MCUR1: variants seen among roughly 807,000 people sequenced by gnomAD.
MCUR1 encodes mitochondrial calcium uniporter regulator 1.
MCUR1 carries 37 observed loss-of-function variants against 42.0 expected under a neutral mutation model. The observed-to-expected ratio is 0.88, with a 90% confidence interval of 0.68 to 1.16. The LOEUF (loss-of-function observed/expected upper bound fraction) is 1.16, where lower values mean the gene tolerates loss of function less well. Among genes scored for constraint, MCUR1 ranks in the 50% most tolerant of loss-of-function variants. The pLI is 0.00. For synonymous variants in MCUR1, 229 were observed against 196.2 expected, an observed-to-expected ratio of 1.17 and a Z score of -1.40; for missense variants, 469 against 468.4, an observed-to-expected ratio of 1.00 and a Z score of -0.01.
Position 13,814,166 on chromosome 6 carries a change from C to A in MCUR1, c.264G>T (p.Gln88His). 7.5e-7 allele frequency: 1 copy of A among 1,332,690 alleles called. No homozygotes were observed. The highest frequency in any genetic ancestry group is 9.5e-7 in the Non-Finnish European group (1 of 1,049,036). 82.6% of individuals were successfully genotyped at this position (1,332,690 alleles called of 1,614,324 possible). Reference sequence around the variant, plus strand: ...GGCGCGAGCGCTCCCAGTCCCCGAGCTGCCGGCGCGGGGCTGCGGCGGCCA... The same window carrying A: ...GGCGCGAGCGCTCCCAGTCCCCGAGATGCCGGCGCGGGGCTGCGGCGGCCA... ...PRLAAAAPRR[Q>H]LGDWERSRLG... The change falls in exon 1 of 9, where the codon CAG (glutamine) becomes CAT (histidine). Residue 88 changes from glutamine (Q) to histidine (H), a missense_variant. Physicochemically the swap from Gln to His is conservative, Grantham distance 24. Coordinates refer to ENST00000379170, the MANE Select transcript of MCUR1 (RefSeq NM_001031713.4).
At chr6:13,802,024 G>A (rs1760001721) in intron 3 of MCUR1, among the ~76,000 whole-genome samples, 1 of 152,152 alleles carries the variant, frequency 6.6e-6, no homozygotes, top group African/African-American at 2.4e-5. Context: ...GAATAATTTT[G>A]AACAGTGAGC....
rs1215807175 is a variant in MCUR1, at chr6:13,806,966, TAG to T, written c.492_493del (p.Tyr165LeufsTer73). The T allele has an allele frequency of 4.3e-6, 7 of 1,613,490 alleles. No individual in the cohort carries two copies. The highest frequency in any genetic ancestry group is 3.3e-5 in the South Asian group (3 of 91,056). On this transcript the variant is annotated frameshift_variant, in exon 2 of 9. Transcript: ENST00000379170. LOFTEE classifies it high-confidence loss of function. Reference sequence around the variant, plus strand: ...GCACACTAAGGCATGAGTGTCGAAGTAGAGTTTCCTGCTCCCAGAAGAGGTGA... The same window carrying T: ...GCACACTAAGGCATGAGTGTCGAAGTAGTTTCCTGCTCCCAGAAGAGGTGA...
rs753880795 is a variant in MCUR1, at chr6:13,807,029, G to C, written c.431C>G (p.Ala144Gly). Residue 144 changes from alanine to glycine, a missense_variant, in exon 2 of 9, where the codon GCT becomes GGT. Ala to Gly is a moderately conservative substitution (Grantham distance 60). Coordinates refer to ENST00000379170, the MANE Select transcript of MCUR1 (RefSeq NM_001031713.4). ...VSCRRELSLS[A>G]GSLQLERKRR... is the part of the protein sequence containing the mutation. ...TTTGCGCTCCAGCTGCAGGGATCCA[G>C]CAGACAAGCTTAGCTCTAGGGTGGA... The C allele has an allele frequency of 6.2e-7, 1 of 1,612,016 alleles. No homozygotes were observed. The highest frequency in any genetic ancestry group is 2.2e-5 in the East Asian group (1 of 44,848).
Position 13,786,576 on chromosome 6 carries a change from T to C in MCUR1, c.*4233A>G, listed in dbSNP as rs529772239. ...ACTTTGTACATTATATTAAAATTTA[T>C]TTTCTATGTATACCCAAATTTTCAA... On this transcript the variant is annotated 3_prime_UTR_variant, in exon 9 of 9. Transcript: ENST00000379170. 1.6e-4 allele frequency: 25 copies of C among 152,216 alleles called. No homozygotes were observed. The highest frequency in any genetic ancestry group is 4.1e-4 in the South Asian group (2 of 4,838). The allele number at this position is 152,216 out of a possible 1,614,324, so 9.4% of individuals were successfully genotyped here.
At chr6:13,798,343 G>A (rs1295507581) in intron 6 of MCUR1, among the ~76,000 whole-genome samples, 1 of 152,042 alleles carries the variant, frequency 6.6e-6, no homozygotes, top group East Asian at 1.9e-4. Context: ...TAGGTGATCT[G>A]CCCATCTTGG....
chr6:13,810,367 A>G (rs1034712534), intron 1 of MCUR1, among the ~76,000 whole-genome samples: 1 of 152,198 alleles, frequency 6.6e-6, no homozygotes, highest in African/African-American at 2.4e-5. Context: ...CAATCAAAAG[A>G]ACTTCCATTT....
chr6:13,798,514 G>A (rs1759907226), intron 6 of MCUR1, among the ~76,000 whole-genome samples: 1 of 152,222 alleles, frequency 6.6e-6, no homozygotes. Flanking sequence ...CAAGACCTAT[G>A]AAGATTTAAG....
intron 6 of MCUR1, among the ~76,000 whole-genome samples, chr6:13,797,637 G>A (rs1759887363): frequency 6.6e-6 from 1 of 151,976 alleles, no homozygotes. Flanking sequence ...GAACCCGGGA[G>A]GCGAAGCTTG....
chr6:13,804,663 A>G (rs901667982), intron 2 of MCUR1, among the ~76,000 whole-genome samples: 8 of 151,618 alleles, frequency 5.3e-5, no homozygotes, highest in Non-Finnish European at 8.8e-5. Context: ...AGTCCCAGCT[A>G]CTTGTAGTCT....
intron 6 of MCUR1, among the ~76,000 whole-genome samples, chr6:13,794,887 T>C (rs1584983305): frequency 6.6e-6 from 1 of 152,142 alleles, no homozygotes; most frequent in Non-Finnish European, 1.5e-5. Context: ...CTTTTGGCTA[T>C]TAATGTCAGT....
chr6:13,802,512 G>A (rs1012280676), intron 2 of MCUR1, among the ~76,000 whole-genome samples, 166 bp from the exon 3 acceptor site: 2 of 152,168 alleles, frequency 1.3e-5, no homozygotes, highest in African/African-American at 2.4e-5. Context: ...CGGTCACTCA[G>A]AGCAAGCACG....
At chr6:13,794,117 CTTTTTTT>C in intron 6 of MCUR1, among the ~76,000 whole-genome samples, 170 bp from the exon 7 acceptor site, 1 of 142,010 alleles carries the variant, frequency 7.0e-6, no homozygotes, top group Non-Finnish European at 1.5e-5. Context: ...CTTGAGGTTT[CTTTTTTT>C]TTTTTTTCCA....
At position 13,814,397 on chromosome 6, in the gene MCUR1, G is replaced by A; in HGVS notation, c.33C>T (p.Thr11=). 6.5e-7 allele frequency: 1 copy of A among 1,538,522 alleles called. No individual in the cohort carries two copies. The highest frequency in any genetic ancestry group is 8.7e-7 in the Non-Finnish European group (1 of 1,153,032). The change falls in exon 1 of 9, where the codon ACC becomes ACT. Residue 11 remains threonine, a synonymous_variant. Transcript: ENST00000379170. MDCGSVGGQR[T]QRLPGRQRLL... ...GCCGCTGGCGGCCGGGCAGGCGCTG[G>A]GTCCTCTGGCCGCCGACCGAGCCGC...
At chr6:13,792,384 T>C (rs1160556353) in intron 7 of MCUR1, among the ~76,000 whole-genome samples, 1 of 152,188 alleles carries the variant, frequency 6.6e-6, no homozygotes, top group Non-Finnish European at 1.5e-5. Context: ...GTCTCATCCT[T>C]CTAAATCCTC....
chr6:13,813,983 G>T, intron 1 of MCUR1, 32 bp downstream of exon 1: 1 of 1,229,160 alleles, frequency 8.1e-7, no homozygotes, highest in South Asian at 4.1e-5. Context: ...CCCGCGAGAC[G>T]AGCCCCCTCT....
At chr6:13,797,567 G>T (rs1301264213) in intron 6 of MCUR1, among the ~76,000 whole-genome samples, 1 of 152,002 alleles carries the variant, frequency 6.6e-6, no homozygotes, top group Non-Finnish European at 1.5e-5. Flanking sequence ...AATTAGCTGG[G>T]CGTGGTGGCA....
rs1441362183 is a variant in MCUR1 at position 13,787,023 on chromosome 6, GA to G, written c.*3785del. 4 of 152,144 alleles carry G rather than the reference GA, an allele frequency of 2.6e-5. No individual in the cohort carries two copies. Among genetic ancestry groups the G allele is most frequent in the Non-Finnish European group, 5.9e-5 (4 of 68,032 alleles). The allele number at this position is 152,144 out of a possible 1,614,324, so 9.4% of individuals were successfully genotyped here. On this transcript the variant is annotated 3_prime_UTR_variant, in exon 9 of 9. Transcript: ENST00000379170. Reference sequence around the variant, plus strand: ...CTCACATTAAAATCAAAGTTTTCTAGATATGAATTCTATATACCATCTCTAT... The same window carrying G: ...CTCACATTAAAATCAAAGTTTTCTAGTATGAATTCTATATACCATCTCTAT...
chr6:13,805,880 G>A (rs963420352), intron 2 of MCUR1, among the ~76,000 whole-genome samples: 5 of 152,174 alleles, frequency 3.3e-5, no homozygotes, highest in Admixed American at 2.6e-4. Context: ...AGTCTAAAGT[G>A]CATTTTCAAT....
At position 13,814,093 on chromosome 6, in the gene MCUR1, A is replaced by T. The variant is rs556692934; in HGVS notation, c.337T>A (p.Ser113Thr). 57 of 1,241,158 alleles carry T rather than the reference A, an allele frequency of 4.6e-5. No individual in the cohort carries two copies. The East Asian group carries it at 1.7e-3, about 37-fold the overall frequency. The allele number at this position is 1,241,158 out of a possible 1,614,324, so 76.9% of individuals were successfully genotyped here. A position where few individuals can be genotyped will look rare whatever the true frequency, so the allele number is the denominator to read the frequency against. Residue 113 changes from serine (S) to threonine (T), a missense_variant, in exon 1 of 9, where the codon TCA (serine) becomes ACA (threonine). Transcript: ENST00000379170. Reference protein sequence around the residue: ...PAGRSSAWRCSPGVAAAAGAL... With the variant: ...PAGRSSAWRCTPGVAAAAGAL... ...CCGGCGGCAGCGGCGACGCCCGGTG[A>T]GCACCTCCACGCGCTGCTGCGCCCG...
Sources: gnomAD v4.1 joint callset for allele counts (sites outside exome capture counted in the v4.1 genomes callset) on GRCh38, gnomAD v4.1.1 for gene constraint, MANE v1.5 for transcripts, NCBI Gene and HGNC (gene_info 2026-07-23, HGNC 2026-07-21) for gene names.